Variants in NKAIN3 observed in about 807,000 individuals in gnomAD.
The protein encoded by NKAIN3 is sodium/potassium-transporting ATPase subunit beta-1-interacting protein 3.
A neutral mutation model predicts 30.2 loss-of-function variants in NKAIN3; 25 were observed. The observed-to-expected ratio is 0.83, with a 90% confidence interval of 0.60 to 1.16. The LOEUF is 1.16. Among genes scored for constraint, NKAIN3 ranks in the 50% most tolerant of loss-of-function variants. The pLI, the probability that NKAIN3 is intolerant of heterozygous loss-of-function variation, is 0.00. For synonymous variants in NKAIN3, 91 were observed against 89.6 expected (o/e 1.02, Z -0.09); for missense variants, 225 against 254.1 (o/e 0.89, Z 0.78).
Position 62,659,888 on chromosome 8 carries a change from C to T in NKAIN3, c.273+70094C>T, listed in dbSNP as rs569953106. On this transcript the variant is annotated intron_variant, in intron 3 of 6. Transcript: ENST00000623646. The stretch of plus-strand genomic sequence containing the variant: ...GGGAGTTTCCCTGCACAAGCACTGT[C>T]TTTGCCTGAGGCCATCCATGTAAGA... 5.3e-5 allele frequency among the ~76,000 whole-genome samples: 8 copies of T among 152,178 alleles called. No homozygotes were observed. In the South Asian group the frequency reaches 1.7e-3, roughly 32 times the overall value.
At chr8:62,277,469 C>T (rs1056625196) in intron 1 of NKAIN3, among the ~76,000 whole-genome samples, 2 of 152,108 alleles carry the variant, frequency 1.3e-5, no homozygotes, top group Admixed American at 1.3e-4. Flanking sequence ...GTTGCAAACC[C>T]TCCTTCTGTG....
chr8:62,263,997 A>G (rs1225740391), intron 1 of NKAIN3, among the ~76,000 whole-genome samples: 1 of 152,220 alleles, frequency 6.6e-6, no homozygotes, highest in Non-Finnish European at 1.5e-5. Flanking sequence ...GCCTAAATAT[A>G]GGCTAATTGC....
At chr8:62,385,061 G>A (rs1199737930) in intron 1 of NKAIN3, among the ~76,000 whole-genome samples, 1 of 152,072 alleles carries the variant, frequency 6.6e-6, no homozygotes, top group Non-Finnish European at 1.5e-5. Context: ...ATCACCCACA[G>A]GACATGAGGA....
intron 1 of NKAIN3, among the ~76,000 whole-genome samples, chr8:62,399,232 A>G (rs188810864): frequency 1.1e-3 from 172 of 152,300 alleles, no homozygotes; most frequent in African/African-American, 4.0e-3. Flanking sequence ...AGGGCAGGGC[A>G]TGGTAGCTCA....
intron 1 of NKAIN3, among the ~76,000 whole-genome samples, chr8:62,490,764 C>CCTT (rs1203212475): frequency 6.6e-6 from 1 of 152,088 alleles, no homozygotes; most frequent in Non-Finnish European, 1.5e-5. Flanking sequence ...GCAGCATGTC[C>CCTT]CTTCATACAG....
At chr8:62,309,773 G>A (rs1814368328) in intron 1 of NKAIN3, among the ~76,000 whole-genome samples, 1 of 150,390 alleles carries the variant, frequency 6.6e-6, no homozygotes, top group African/African-American at 2.5e-5. Flanking sequence ...AAGTAGGAAG[G>A]ACTCTTAGAT....
intron 3 of NKAIN3, among the ~76,000 whole-genome samples, chr8:62,617,220 T>C (rs1378047751): frequency 1.3e-5 from 2 of 152,172 alleles, no homozygotes; most frequent in African/African-American, 4.8e-5. Flanking sequence ...GTCTCAGATA[T>C]TTCTTTATAG....
chr8:62,320,168 TG>T (rs1194797920), intron 1 of NKAIN3, among the ~76,000 whole-genome samples: 1 of 152,192 alleles, frequency 6.6e-6, no homozygotes, highest in African/African-American at 2.4e-5. Flanking sequence ...TGCCTTTTTT[TG>T]TTTTCCATTT....
chr8:62,326,095 A>C (rs1483507556), intron 1 of NKAIN3, among the ~76,000 whole-genome samples: 1 of 151,902 alleles, frequency 6.6e-6, no homozygotes, highest in Non-Finnish European at 1.5e-5. Flanking sequence ...TGTTACATTT[A>C]TTGAAATAAA....
chr8:62,540,431 C>A (rs1228558839), intron 1 of NKAIN3, among the ~76,000 whole-genome samples: 2 of 152,144 alleles, frequency 1.3e-5, no homozygotes. Flanking sequence ...AAGAACTATT[C>A]ATAAGTGAGC....
intron 1 of NKAIN3, among the ~76,000 whole-genome samples, chr8:62,534,528 C>T (rs1808591528): frequency 6.6e-6 from 1 of 152,162 alleles, no homozygotes; most frequent in Non-Finnish European, 1.5e-5. Context: ...ATGAATGTCA[C>T]CTGTGAACTG....
chr8:62,899,885 A>T (rs1421557423), intron 4 of NKAIN3, among the ~76,000 whole-genome samples: 1 of 152,110 alleles, frequency 6.6e-6, no homozygotes, highest in Non-Finnish European at 1.5e-5. Flanking sequence ...TATACCCACA[A>T]AGAGATATAA....
chr8:62,591,906 G>A (rs556692501), intron 3 of NKAIN3, among the ~76,000 whole-genome samples: 10 of 151,990 alleles, frequency 6.6e-5, no homozygotes, highest in East Asian at 5.8e-4. Context: ...TTCCAGGTTC[G>A]TTCCATTGTG....
At chr8:62,614,463 A>G (rs996764891) in intron 3 of NKAIN3, among the ~76,000 whole-genome samples, 3 of 152,118 alleles carry the variant, frequency 2.0e-5, no homozygotes, top group East Asian at 1.9e-4. Flanking sequence ...AAGCCAACAC[A>G]GCACTGGGTC....
At chr8:62,755,217 C>T (rs988329156) in intron 4 of NKAIN3, among the ~76,000 whole-genome samples, 2 of 152,124 alleles carry the variant, frequency 1.3e-5, no homozygotes, top group East Asian at 1.9e-4. Flanking sequence ...GAAGGTGGAC[C>T]TCAAACCCTG....
intron 3 of NKAIN3, among the ~76,000 whole-genome samples, chr8:62,630,278 G>A (rs960014014): frequency 2.6e-5 from 4 of 152,072 alleles, no homozygotes; most frequent in African/African-American, 9.7e-5. Flanking sequence ...AATTGTTTGA[G>A]CAAGAAGTAG....
At chr8:62,938,755 C>T (rs1423008288) in intron 5 of NKAIN3, among the ~76,000 whole-genome samples, 1 of 152,196 alleles carries the variant, frequency 6.6e-6, no homozygotes, top group Non-Finnish European at 1.5e-5. Context: ...GAACAGCAGA[C>T]CTTGAGCCCC....
intron 1 of NKAIN3, among the ~76,000 whole-genome samples, chr8:62,526,848 C>T (rs56745673): frequency 1.3e-5 from 2 of 152,216 alleles, no homozygotes; most frequent in African/African-American, 4.8e-5. Flanking sequence ...TAGCCCGCAG[C>T]GATCAGCTCA....
chr8:62,594,910 A>T (rs1273240245), intron 3 of NKAIN3, among the ~76,000 whole-genome samples: 5 of 145,712 alleles, frequency 3.4e-5, no homozygotes, highest in Admixed American at 2.8e-4. Flanking sequence ...TTCTTTTCTC[A>T]TAATAAAAAA....
Sources: allele counts gnomAD v4.1 joint callset (sites outside exome capture counted in the v4.1 genomes callset), GRCh38; gene constraint gnomAD v4.1.1; transcripts MANE v1.5; gene names NCBI Gene and HGNC (gene_info 2026-07-23, HGNC 2026-07-21).